WFS1: variants seen among roughly 807,000 people sequenced by gnomAD.
The protein encoded by WFS1 is wolframin.
A neutral mutation model predicts 68.5 loss-of-function variants in WFS1; 90 were observed. The ratio of observed to expected loss-of-function variants is 1.31; its 90% CI spans 1.11 to 1.56. The LOEUF is 1.56. WFS1 is among the 40% of genes most tolerant of loss of function. The pLI is 0.00. For missense variants in WFS1, 1,767 were observed against 1,232.6 expected (o/e 1.43, Z -6.49); for synonymous variants, 860 against 540.7 (o/e 1.59, Z -8.19).
intron 6 of WFS1, 82 bp from the exon 7 acceptor site, chr4:6,294,959 C>G (rs553135600): frequency 6.2e-7 from 1 of 1,607,112 alleles, no homozygotes; most frequent in Non-Finnish European, 8.5e-7. Flanking sequence ...CCCACGCCAC[C>G]GTCCCCAGCC....
At chr4:6,293,632 C>T (rs1031660743) in intron 6 of WFS1, among the ~76,000 whole-genome samples, 8 of 152,182 alleles carry the variant, frequency 5.3e-5, no homozygotes, top group Non-Finnish European at 7.4e-5. Flanking sequence ...CCACCAGGCC[C>T]GGGGCCCTTG....
rs143597170 is a variant in WFS1 at position 6,301,266 on chromosome 4, G to A, written c.1471G>A (p.Val491Met). Residue 491 changes from valine (V) to methionine (M), a missense_variant, in exon 8 of 8, where the codon GTG becomes ATG. Val to Met is a conservative substitution (Grantham distance 21). Coordinates refer to ENST00000226760, the MANE Select transcript of WFS1 (RefSeq NM_006005.3). Reference protein sequence around the residue: ...LKVLGQTFITVPVGHLVVLNV... With the variant: ...LKVLGQTFITMPVGHLVVLNV... The stretch of plus-strand genomic sequence containing the variant: ...GGTCCTTGGCCAGACCTTCATCACC[G>A]TGCCTGTCGGCCACCTGGTCGTCCT... 46 of 1,611,204 alleles carry A rather than the reference G, an allele frequency of 2.9e-5. No homozygotes were observed. The Admixed American group carries it at 4.8e-4, about 17-fold the overall frequency.
rs551042653 is a variant in WFS1, at chr4:6,281,741, G to GGT, written c.232+4056_232+4057dup. 2.9e-3 allele frequency among the ~76,000 whole-genome samples: 435 copies of GGT among 152,184 alleles called. 2 individuals are homozygous for GGT. Among genetic ancestry groups the GGT allele is most frequent in the African/African-American group, 0.01 (417 of 41,518 alleles). On this transcript the variant is annotated intron_variant, in intron 2 of 7. Transcript: ENST00000226760. ...TGCCCTGGGGACAGGCACAGCAGGAGGTGCTACTCAGGGCACCCACCGTTG... is the reference window on the plus strand; with the variant it reads ...TGCCCTGGGGACAGGCACAGCAGGAGGTGTGCTACTCAGGGCACCCACCGTTG...
chr4:6,271,309 T>C (rs1275043798), intron 1 of WFS1, among the ~76,000 whole-genome samples: 1 of 152,204 alleles, frequency 6.6e-6, no homozygotes, highest in Non-Finnish European at 1.5e-5. Context: ...ACAGGAAAAG[T>C]TGGCTGGGAG....
intron 2 of WFS1, among the ~76,000 whole-genome samples, chr4:6,286,565 A>C (rs1200224323): frequency 6.6e-6 from 1 of 152,232 alleles, no homozygotes; most frequent in East Asian, 1.9e-4. Flanking sequence ...ATTCACTCTT[A>C]AGAAGGAAAA....
At chr4:6,296,759 G>C (rs1730650529) in intron 7 of WFS1, among the ~76,000 whole-genome samples, 2 of 152,250 alleles carry the variant, frequency 1.3e-5, no homozygotes, top group African/African-American at 4.8e-5. Context: ...TATGCGTCCT[G>C]TTCGGAAAAT....
rs1477611840 is a variant in WFS1 at position 6,300,720 on chromosome 4, A to C, written c.925A>C (p.Arg309=). ...GGAGTACCTGATTGACATGGCCTCC[A>C]GGGCAGGCATGCACTGGCTGTCCAC... is the stretch of plus-strand genomic sequence containing the variant. The part of the protein sequence containing the change: ...IKEYLIDMAS[R]AGMHWLSTII... Residue 309 remains arginine (R), a synonymous_variant, in exon 8 of 8, where the codon AGG becomes CGG. Transcript: ENST00000226760. The C allele has an allele frequency of 1.9e-6, 3 of 1,613,932 alleles. No homozygotes were observed. In the East Asian group the frequency reaches 6.7e-5, roughly 36 times the overall value.
At chr4:6,293,512 G>A (rs919136780) in intron 6 of WFS1, among the ~76,000 whole-genome samples, 10 of 109,908 alleles carry the variant, frequency 9.1e-5, no homozygotes, top group Admixed American at 2.9e-4. Context: ...AAAGCGGCTC[G>A]TCTAGGCCAT....
intron 2 of WFS1, among the ~76,000 whole-genome samples, chr4:6,281,833 C>T (rs960079326): frequency 5.9e-5 from 9 of 152,206 alleles, no homozygotes; most frequent in African/African-American, 2.2e-4. Context: ...TGCTGATGTG[C>T]TCCTGCTGAG....
Position 6,301,197 on chromosome 4 carries a change from C to T in WFS1, c.1402C>T (p.Leu468=), listed in dbSNP as rs200318101. 2.5e-6 allele frequency: 4 copies of T among 1,612,208 alleles called. No homozygotes were observed. The highest frequency in any genetic ancestry group is 3.4e-6 in the Non-Finnish European group (4 of 1,179,908). Reference sequence around the variant, plus strand: ...GGCCACCGAGGTCACCGCCGGCCTGCTATCGCTGCTGCCCTCCATGCCCTT... The same window carrying T: ...GGCCACCGAGGTCACCGCCGGCCTGTTATCGCTGCTGCCCTCCATGCCCTT... The part of the protein sequence containing the change: ...ALATEVTAGL[L]SLLPSMPLNW... The change falls in exon 8 of 8, where the codon CTA becomes TTA. Residue 468 remains leucine (L), a synonymous_variant. Coordinates refer to ENST00000226760, the MANE Select transcript of WFS1 (RefSeq NM_006005.3).
chr4:6,302,551 CA>C lies in WFS1; in HGVS notation c.*84del. On this transcript the variant is annotated 3_prime_UTR_variant, in exon 8 of 8. Coordinates refer to ENST00000226760, the MANE Select transcript of WFS1 (RefSeq NM_006005.3). ...TGGCCCCAGCCCGACAGGCATGCAC[CA>C]GTGCCGCCTGTGCCCACGTGTGCAG... 3 of 1,581,152 alleles carry C rather than the reference CA, an allele frequency of 1.9e-6. No homozygotes were observed. Among genetic ancestry groups the C allele is most frequent in the Non-Finnish European group, 2.6e-6 (3 of 1,165,470 alleles).
Position 6,301,988 on chromosome 4 carries a change from G to C in WFS1, c.2193G>C (p.Met731Ile), listed in dbSNP as rs1180632907. The change falls in exon 8 of 8, where the codon ATG (methionine) becomes ATC (isoleucine). Residue 731 changes from methionine (M) to isoleucine (I), a missense_variant. Coordinates refer to ENST00000226760, the MANE Select transcript of WFS1 (RefSeq NM_006005.3). ...TCCCGTTCTTCATCGGCGACTGGAT[G>C]CGCTGCCTCTACGGCGAGGCCTACC... ...NMLPFFIGDW[M>I]RCLYGEAYPA... The C allele has an allele frequency of 6.2e-7, 1 of 1,612,722 alleles. No individual in the cohort carries two copies. Among genetic ancestry groups the C allele is most frequent in the East Asian group, 2.2e-5 (1 of 44,874 alleles).
In WFS1 at chr4:6,269,899, C is replaced by T. The variant is rs1025558819; in HGVS notation, c.-121C>T. On this transcript the variant is annotated 5_prime_UTR_variant, in exon 1 of 8. Transcript: ENST00000226760. ...TCTTCAGCAGCGAGTGCAGATTGCTCCCCCGCGGCCGCAGATCTCCCGTTT... is the reference window on the plus strand; with the variant it reads ...TCTTCAGCAGCGAGTGCAGATTGCTTCCCCGCGGCCGCAGATCTCCCGTTT... 1 of 152,214 alleles carries T rather than the reference C, an allele frequency of 6.6e-6. No individual in the cohort carries two copies. The highest frequency in any genetic ancestry group is 1.5e-5 in the Non-Finnish European group (1 of 68,024). 9.4% of individuals were successfully genotyped at this position (152,214 alleles called of 1,614,324 possible).
At chr4:6,294,582 C>T (rs1164343075) in intron 6 of WFS1, among the ~76,000 whole-genome samples, 3 of 151,998 alleles carry the variant, frequency 2.0e-5, no homozygotes, top group African/African-American at 2.4e-5. Flanking sequence ...GGGTTGGGGG[C>T]GCAGATCATG....
Position 6,300,698 on chromosome 4 carries a change from G to GT in WFS1, c.904dup (p.Tyr302LeufsTer4). 1 of 1,614,082 alleles carries GT rather than the reference G, an allele frequency of 6.2e-7. No homozygotes were observed. Among genetic ancestry groups the GT allele is most frequent in the South Asian group, 1.1e-5 (1 of 91,088 alleles). ...TGCACGCCATCATGGAGATCAAGGA[G>GT]TACCTGATTGACATGGCCTCCAGGG... On this transcript the variant is annotated frameshift_variant, in exon 8 of 8. Transcript: ENST00000226760. LOFTEE classifies it high-confidence loss of function.
At chr4:6,281,751 A>C (rs941878826) in intron 2 of WFS1, among the ~76,000 whole-genome samples, 8 of 152,070 alleles carry the variant, frequency 5.3e-5, no homozygotes, top group Non-Finnish European at 1.2e-4. Flanking sequence ...GGTGCTACTC[A>C]GGGCACCCAC....
intron 7 of WFS1, among the ~76,000 whole-genome samples, chr4:6,298,472 T>A (rs1174128899): frequency 6.7e-6 from 1 of 149,906 alleles, no homozygotes; most frequent in Non-Finnish European, 1.5e-5. Flanking sequence ...TGTTAGCTGC[T>A]TTAATCGTTT....
intron 7 of WFS1, among the ~76,000 whole-genome samples, 155 bp from the exon 8 acceptor site, chr4:6,300,502 G>T (rs548798918): frequency 1.3e-5 from 2 of 152,082 alleles, no homozygotes; most frequent in Admixed American, 6.5e-5. Context: ...CCTGGAGAAG[G>T]GGGGAGGGAG....
chr4:6,278,074 G>A (rs1030192468), intron 2 of WFS1, among the ~76,000 whole-genome samples: 4 of 152,262 alleles, frequency 2.6e-5, no homozygotes, highest in East Asian at 3.8e-4. Context: ...GGCCACATGC[G>A]GGCGAAGCCC....
Sources: gnomAD v4.1 joint callset for allele counts (sites outside exome capture counted in the v4.1 genomes callset) on GRCh38, gnomAD v4.1.1 for gene constraint, MANE v1.5 for transcripts, NCBI Gene and HGNC (gene_info 2026-07-23, HGNC 2026-07-21) for gene names.